The following PPP4R3A variants were observed in gnomAD, a reference collection of about 807,000 sequenced individuals.
PPP4R3A encodes serine/threonine-protein phosphatase 4 regulatory subunit 3A.
In PPP4R3A, 15 loss-of-function variants were observed where a neutral mutation model predicts 91.7. The ratio of observed to expected loss-of-function variants is 0.16; its 90% CI spans 0.11 to 0.25. The LOEUF (loss-of-function observed/expected upper bound fraction) is 0.25, where lower values mean the gene tolerates loss of function less well. Ranked by LOEUF, PPP4R3A falls within the 10% of genes least tolerant of loss-of-function variation. The pLI is 1.00. For synonymous variants in PPP4R3A, 377 were observed against 348.7 expected, an observed-to-expected ratio of 1.08 and a Z score of -0.91; for missense variants, 623 against 998.4, an observed-to-expected ratio of 0.62 and a Z score of 5.07.
At chr14:91,464,700 G>A (rs1035455290) in intron 11 of PPP4R3A, among the ~76,000 whole-genome samples, 1 of 152,212 alleles carries the variant, frequency 6.6e-6, no homozygotes, top group Non-Finnish European at 1.5e-5. Flanking sequence ...CTTTAGAAAT[G>A]TGTAAGTTAA....
intron 1 of PPP4R3A, among the ~76,000 whole-genome samples, chr14:91,502,891 G>C (rs1298947263): frequency 6.6e-6 from 1 of 152,208 alleles, no homozygotes; most frequent in East Asian, 1.9e-4. Flanking sequence ...TGGATGCCTT[G>C]GCAAGTACTT....
At chr14:91,469,727 C>T (rs1003925523) in intron 10 of PPP4R3A, among the ~76,000 whole-genome samples, 7 of 152,006 alleles carry the variant, frequency 4.6e-5, no homozygotes, top group South Asian at 2.1e-4. Context: ...CACCACCACA[C>T]CCAGCTTTCT....
intron 1 of PPP4R3A, among the ~76,000 whole-genome samples, chr14:91,504,396 G>A (rs544258502): frequency 6.6e-5 from 10 of 151,302 alleles, no homozygotes; most frequent in African/African-American, 9.7e-5. Flanking sequence ...GAGGTCAGGA[G>A]TTCGAGATCG....
At chr14:91,468,706 AG>A in intron 10 of PPP4R3A, among the ~76,000 whole-genome samples, 6 of 145,450 alleles carry the variant, frequency 4.1e-5, no homozygotes, top group African/African-American at 1.5e-4. Context: ...AAGAAAAAAA[AG>A]ACCAAGTATA....
rs145556828 is a variant in PPP4R3A at position 91,509,642 on chromosome 14, G to C, written c.6C>G (p.Thr2=). 2.5e-6 allele frequency: 4 copies of C among 1,597,472 alleles called. No individual in the cohort carries two copies. Among genetic ancestry groups the C allele is most frequent in the Non-Finnish European group, 2.5e-6 (3 of 1,178,164 alleles). The part of the protein sequence containing the change: M[T]DTRRRVKVYT... ...ACACCTTCACCCGCCGCCGGGTGTC[G>C]GTCATCGTGCCGCCCGGGAACCGGG... Residue 2 remains threonine, a synonymous_variant, in exon 1 of 15, where the codon ACC becomes ACG. Coordinates refer to ENST00000554943, the MANE Select transcript of PPP4R3A (RefSeq NM_001366432.2).
chr14:91,478,594 A>G (rs1889351037), intron 4 of PPP4R3A, among the ~76,000 whole-genome samples: 1 of 152,260 alleles, frequency 6.6e-6, no homozygotes, highest in African/African-American at 2.4e-5. Context: ...ACTTGAAATT[A>G]TTCATACTTA....
intron 3 of PPP4R3A, 56 bp downstream of exon 3, chr14:91,485,576 G>A: frequency 8.0e-7 from 1 of 1,244,228 alleles, no homozygotes; most frequent in Non-Finnish European, 1.1e-6. Context: ...TTGAAAGCAT[G>A]GCAAAAAACT....
chr14:91,466,490 G>A (rs1888474462), intron 10 of PPP4R3A: 1 of 940,750 alleles, frequency 1.1e-6, no homozygotes, highest in Admixed American at 6.2e-5. Flanking sequence ...ACAAGTGAAT[G>A]CCCAATTAGG....
intron 4 of PPP4R3A, among the ~76,000 whole-genome samples, chr14:91,478,439 C>T (rs1454285152): frequency 6.6e-6 from 1 of 152,218 alleles, no homozygotes; most frequent in Non-Finnish European, 1.5e-5. Context: ...TAAACTGTAC[C>T]TCAATCACTT....
At chr14:91,461,180 G>A (rs1888129630) in intron 14 of PPP4R3A, among the ~76,000 whole-genome samples, 1 of 151,642 alleles carries the variant, frequency 6.6e-6, no homozygotes, top group South Asian at 2.1e-4. Context: ...ACTATATGCA[G>A]ACTTGCATTG....
intron 1 of PPP4R3A, among the ~76,000 whole-genome samples, chr14:91,503,356 C>T (rs904088212): frequency 2.0e-5 from 3 of 151,784 alleles, no homozygotes; most frequent in Non-Finnish European, 2.9e-5. Context: ...GGCTCAGTCA[C>T]AGCTCACTGT....
intron 1 of PPP4R3A, among the ~76,000 whole-genome samples, chr14:91,500,391 G>A (rs1457001201): frequency 6.6e-6 from 1 of 152,060 alleles, no homozygotes; most frequent in Non-Finnish European, 1.5e-5. Context: ...AATAGAGACG[G>A]GGTTTCACCA....
intron 1 of PPP4R3A, among the ~76,000 whole-genome samples, chr14:91,504,267 A>G (rs1189821300): frequency 3.3e-5 from 5 of 151,428 alleles, no homozygotes; most frequent in African/African-American, 9.7e-5. Context: ...GTTTGAGGTT[A>G]CAGTGAGCTA....
intron 2 of PPP4R3A, among the ~76,000 whole-genome samples, chr14:91,490,349 A>G (rs765866024): frequency 6.6e-6 from 1 of 152,206 alleles, no homozygotes; most frequent in African/African-American, 2.4e-5. Context: ...AATCAGATTC[A>G]TATGACAGAT....
At chr14:91,501,658 GAA>G (rs1016212798) in intron 1 of PPP4R3A, among the ~76,000 whole-genome samples, 13 of 150,384 alleles carry the variant, frequency 8.6e-5, no homozygotes, top group African/African-American at 3.2e-4. Flanking sequence ...CTCAAAAAAA[GAA>G]AAGTCAATGG....
rs72701479 is a variant in PPP4R3A, at chr14:91,461,969, T to C, written c.2164+80A>G. 2,874 of 1,414,852 alleles carry C rather than the reference T, an allele frequency of 2.0e-3. 8 individuals are homozygous for C. Among genetic ancestry groups the C allele is most frequent in the Non-Finnish European group, 2.4e-3 (2,595 of 1,087,836 alleles). The allele number at this position is 1,414,852 out of a possible 1,614,324, so 87.6% of individuals were successfully genotyped here. A position where few individuals can be genotyped will look rare whatever the true frequency, so the allele number is the denominator to read the frequency against. ...TATGCCATCACACCTTCCAAGCAAA[T>C]AATCATTTTGTCAAGAAATAAGAAT... On this transcript the variant is annotated intron_variant, in intron 13 of 14. Coordinates refer to ENST00000554943, the MANE Select transcript of PPP4R3A (RefSeq NM_001366432.2).
intron 1 of PPP4R3A, among the ~76,000 whole-genome samples, chr14:91,502,251 C>T (rs971783138): frequency 6.6e-6 from 1 of 152,022 alleles, no homozygotes; most frequent in African/African-American, 2.4e-5. Flanking sequence ...AAGATCCCAC[C>T]TCCCCTGAAA....
At chr14:91,460,834 C>T (rs7142852) in intron 14 of PPP4R3A, among the ~76,000 whole-genome samples, 20 of 151,892 alleles carry the variant, frequency 1.3e-4, no homozygotes, top group African/African-American at 4.6e-4. Flanking sequence ...TTAGCCAGGA[C>T]GGTCTCGATC....
At chr14:91,507,505 G>A (rs117185639) in intron 1 of PPP4R3A, among the ~76,000 whole-genome samples, 17,817 of 72,304 alleles carry the variant, frequency 0.25, 3,505 homozygotes, top group African/African-American at 0.3. Flanking sequence ...TAGAATATAT[G>A]CTATAATTAT....
Sources: allele counts gnomAD v4.1 joint callset (sites outside exome capture counted in the v4.1 genomes callset), GRCh38; gene constraint gnomAD v4.1.1; transcripts MANE v1.5; gene names NCBI Gene and HGNC (gene_info 2026-07-23, HGNC 2026-07-21).